PLD5: variants seen among roughly 807,000 people sequenced by gnomAD.
PLD5 encodes the protein inactive phospholipase D5.
PLD5 carries 36 observed loss-of-function variants against 61.1 expected under a neutral mutation model. The observed-to-expected ratio is 0.59, with a 90% CI of 0.45 to 0.78. The LOEUF (loss-of-function observed/expected upper bound fraction) is 0.78, where lower values mean the gene tolerates loss of function less well. Ranked by LOEUF, PLD5 falls within the 30% of genes least tolerant of loss-of-function variation. PLD5 has a pLI of 0.00. For missense variants in PLD5, 515 were observed against 644.4 expected (o/e 0.80, Z 2.17); for synonymous variants, 243 against 242.8 (o/e 1.00, Z -0.01).
chr1:242,263,709 A>G (rs2754423), intron 4 of PLD5, among the ~76,000 whole-genome samples: 1 of 152,264 alleles, frequency 6.6e-6, no homozygotes, highest in Non-Finnish European at 1.5e-5. Flanking sequence ...AGTAGTATCT[A>G]CATATGCTTG....
At chr1:242,096,741 TTTTA>T (rs1404727734) in intron 9 of PLD5, among the ~76,000 whole-genome samples, 1 of 151,854 alleles carries the variant, frequency 6.6e-6, no homozygotes, top group Non-Finnish European at 1.5e-5. Flanking sequence ...GACTTTTATT[TTTTA>T]TTTTTATTTT....
rs542395061 is a variant in PLD5, at chr1:242,088,234, C to G, written c.*1620G>C. The stretch of plus-strand genomic sequence containing the variant: ...CGTCTAGTTTTGTGTTGATGTTATT[C>G]ATGCCAAAGCAGCCCAACGCAATGT... On this transcript the variant is annotated 3_prime_UTR_variant, in exon 10 of 10. Coordinates refer to ENST00000536534, the MANE Select transcript of PLD5 (RefSeq NM_001372062.1). 1 of 152,274 alleles carries G rather than the reference C, an allele frequency of 6.6e-6. No individual in the cohort carries two copies. The highest frequency in any genetic ancestry group is 6.5e-5 in the Admixed American group (1 of 15,294). 9.4% of individuals were successfully genotyped at this position (152,274 alleles called of 1,614,324 possible). A position where few individuals can be genotyped will look rare whatever the true frequency, so the allele number is the denominator to read the frequency against.
chr1:242,319,683 T>C (rs961724111), intron 2 of PLD5, among the ~76,000 whole-genome samples: 1 of 152,220 alleles, frequency 6.6e-6, no homozygotes, highest in Non-Finnish European at 1.5e-5. Flanking sequence ...GTTAATCTTC[T>C]CAGGTATGGG....
chr1:242,423,630 C>T (rs988921914), intron 1 of PLD5, among the ~76,000 whole-genome samples: 2 of 152,016 alleles, frequency 1.3e-5, no homozygotes, highest in Admixed American at 6.5e-5. Context: ...ATTGAGACCC[C>T]GTCTTTATTT....
At chr1:242,483,651 G>C (rs183531771) in intron 1 of PLD5, among the ~76,000 whole-genome samples, 1 of 152,064 alleles carries the variant, frequency 6.6e-6, no homozygotes, top group African/African-American at 2.4e-5. Flanking sequence ...ACAGATCAAC[G>C]AGACTGAAAG....
chr1:242,407,912 G>T (rs564706913), intron 1 of PLD5, among the ~76,000 whole-genome samples: 2 of 152,102 alleles, frequency 1.3e-5, no homozygotes, highest in African/African-American at 4.8e-5. Flanking sequence ...GGGAAGCAAA[G>T]AATACATATT....
chr1:242,370,179 AC>A (rs764475685), intron 1 of PLD5, among the ~76,000 whole-genome samples: 1 of 152,182 alleles, frequency 6.6e-6, no homozygotes, highest in Non-Finnish European at 1.5e-5. Flanking sequence ...AGTCAAGCAC[AC>A]CCAGGGCTAG....
At chr1:242,456,200 G>A (rs1572184093) in intron 1 of PLD5, among the ~76,000 whole-genome samples, 1 of 152,160 alleles carries the variant, frequency 6.6e-6, no homozygotes, top group Non-Finnish European at 1.5e-5. Context: ...GCATTAGTTT[G>A]GTTCCATTCA....
intron 4 of PLD5, among the ~76,000 whole-genome samples, chr1:242,261,138 A>G (rs1433954681): frequency 6.6e-6 from 1 of 152,224 alleles, no homozygotes; most frequent in East Asian, 1.9e-4. Context: ...ACATATTATA[A>G]AGGCAAGGTA....
intron 2 of PLD5, among the ~76,000 whole-genome samples, chr1:242,327,911 C>A (rs1658895718): frequency 6.6e-6 from 1 of 151,622 alleles, no homozygotes. Flanking sequence ...GGCAACATAG[C>A]AAGACCTTGC....
At position 242,224,501 on chromosome 1, in the gene PLD5, T is replaced by C. The variant is rs553179074; in HGVS notation, c.608-4386A>G. On this transcript the variant is annotated intron_variant, in intron 4 of 9. Transcript: ENST00000536534. The stretch of plus-strand genomic sequence containing the variant: ...ATATTAAAGAGTTATTATGTTAAAA[T>C]GACAGCAAGAGCTATGCATAAGAAA... Among the ~76,000 whole-genome samples the C allele has an allele frequency of 3.5e-3, 539 of 152,276 alleles. 6 individuals are homozygous for C. The highest frequency in any genetic ancestry group is 0.012 in the African/African-American group (514 of 41,558).
intron 1 of PLD5, among the ~76,000 whole-genome samples, chr1:242,426,221 G>T (rs1665414219): frequency 6.7e-6 from 1 of 150,212 alleles, no homozygotes; most frequent in South Asian, 2.1e-4. Flanking sequence ...GTAGTCAGGA[G>T]CAATAACACG....
intron 1 of PLD5, among the ~76,000 whole-genome samples, chr1:242,420,202 G>A (rs1407326771): frequency 6.6e-6 from 1 of 152,250 alleles, no homozygotes; most frequent in East Asian, 1.9e-4. Flanking sequence ...GGTGGATACA[G>A]CATATGCATA....
chr1:242,120,170 G>A (rs1203570448), intron 6 of PLD5, among the ~76,000 whole-genome samples: 3 of 152,118 alleles, frequency 2.0e-5, no homozygotes, highest in African/African-American at 7.2e-5. Flanking sequence ...GGGACTGAGA[G>A]AAGGGAAAAT....
intron 2 of PLD5, among the ~76,000 whole-genome samples, chr1:242,338,043 T>C (rs1659627099): frequency 6.6e-6 from 1 of 152,138 alleles, no homozygotes; most frequent in African/African-American, 2.4e-5. Context: ...CTGTTCTAAA[T>C]GTCTAAATTC....
At chr1:242,244,241 A>G (rs1672230371) in intron 4 of PLD5, among the ~76,000 whole-genome samples, 1 of 152,214 alleles carries the variant, frequency 6.6e-6, no homozygotes, top group African/African-American at 2.4e-5. Context: ...CTGCAGTTAA[A>G]TACGATGATG....
intron 1 of PLD5, among the ~76,000 whole-genome samples, chr1:242,501,088 CTCTG>C (rs1477585331): frequency 7.2e-5 from 11 of 152,210 alleles, no homozygotes; most frequent in Non-Finnish European, 1.2e-4. Flanking sequence ...CCACCTCTCT[CTCTG>C]TCTGTCTGTC....
chr1:242,449,618 C>T (rs1423500041), intron 1 of PLD5: 6 of 1,018,074 alleles, frequency 5.9e-6, no homozygotes, highest in African/African-American at 4.9e-5. Flanking sequence ...ACATAGGCCC[C>T]TCATTTAGCA....
intron 1 of PLD5, among the ~76,000 whole-genome samples, chr1:242,487,746 C>T (rs1005719418): frequency 6.6e-6 from 1 of 152,060 alleles, no homozygotes; most frequent in African/African-American, 2.4e-5. Context: ...AGATACCTCA[C>T]TAAAGAAGGT....
Sources: gnomAD v4.1 joint callset for allele counts (sites outside exome capture counted in the v4.1 genomes callset) on GRCh38, gnomAD v4.1.1 for gene constraint, MANE v1.5 for transcripts, NCBI Gene and HGNC (gene_info 2026-07-23, HGNC 2026-07-21) for gene names.